NUP214: variants seen among roughly 807,000 people sequenced by gnomAD.
NUP214 encodes the protein nucleoporin 214, also known as nuclear pore complex protein Nup214.
NUP214 carries 79 observed loss-of-function variants against 196.2 expected under a neutral mutation model. That is an observed-to-expected ratio of 0.40 (90% CI 0.34 to 0.49). The LOEUF (loss-of-function observed/expected upper bound fraction) is 0.49. NUP214 is among the 20% of genes least tolerant of loss of function. NUP214 has a pLI of 0.58. For missense variants in NUP214, 2,468 were observed against 2,539.0 expected, an observed-to-expected ratio of 0.97 and a Z score of 0.60; for synonymous variants, 1,020 against 990.5, an observed-to-expected ratio of 1.03 and a Z score of -0.56.
At position 131,144,678 on chromosome 9, in the gene NUP214, G is replaced by A; in HGVS notation, c.1693G>A (p.Val565Met). 2.5e-6 allele frequency: 4 copies of A among 1,614,172 alleles called. No homozygotes were observed. Among genetic ancestry groups the A allele is most frequent in the Non-Finnish European group, 3.4e-6 (4 of 1,180,022 alleles). Residue 565 changes from valine (V) to methionine (M), a missense_variant, in exon 12 of 36, where the codon GTG becomes ATG. Physicochemically the swap from Val to Met is conservative, Grantham distance 21. Around this residue, in one of 5 missense-constraint regions of NUP214, gnomAD observed 1,801 missense variants for 1,779.4 expected, o/e 1.01. Coordinates refer to ENST00000359428, the MANE Select transcript of NUP214 (RefSeq NM_005085.4). ...PTLESTPVPS[V>M]SAPNIAMKPS... is the part of the protein sequence containing the mutation. ...CCTGGAAAGCACACCAGTGCCAAGT[G>A]TGTCTGCTCCAAATATAGCAATGAA...
rs10706351 is a variant in NUP214, at chr9:131,173,355, CTTTTTTTTTT to C, written c.2894-685_2894-676del. Among the ~76,000 whole-genome samples, 297 of 38,222 alleles carry C rather than the reference CTTTTTTTTTT, an allele frequency of 7.8e-3. 5 individuals carry two copies. The highest frequency in any genetic ancestry group is 0.03 in the African/African-American group (289 of 9,622). 25.1% of individuals were successfully genotyped at this position (38,222 alleles called of 152,430 possible). A position where few individuals can be genotyped will look rare whatever the true frequency, so the allele number is the denominator to read the frequency against. ...ACAGGCTTGAGCCACTGCACCCAGCCTTTTTTTTTTTTTTTTTTTTTTTTGAGACAGAGTT... is the reference window on the plus strand; with the variant it reads ...ACAGGCTTGAGCCACTGCACCCAGCCTTTTTTTTTTTTTTGAGACAGAGTT... On this transcript the variant is annotated intron_variant, in intron 21 of 35. Coordinates refer to ENST00000359428, the MANE Select transcript of NUP214 (RefSeq NM_005085.4).
Position 131,150,794 on chromosome 9 carries a change from T to C in NUP214, c.2277+29T>C, listed in dbSNP as rs759641141. ...TGTGTTTATGGATACTTTTCCTGAG[T>C]TGAATTGCATTTAACAATTTTTTTC... is the stretch of plus-strand genomic sequence containing the variant. On this transcript the variant is annotated intron_variant, in intron 16 of 35. Transcript: ENST00000359428. The C allele has an allele frequency of 2.7e-5, 42 of 1,584,836 alleles. 2 individuals are homozygous for C. In the Admixed American group the frequency reaches 8.0e-4, roughly 30 times the overall value.
At position 131,150,605 on chromosome 9, in the gene NUP214, G is replaced by A. The variant is rs1308017728; in HGVS notation, c.2128-11G>A. 2.5e-6 allele frequency: 4 copies of A among 1,609,840 alleles called. No individual in the cohort carries two copies. Among genetic ancestry groups the A allele is most frequent in the Non-Finnish European group, 3.4e-6 (4 of 1,178,558 alleles). On this transcript the variant is annotated splice_polypyrimidine_tract_variant and intron_variant, in intron 15 of 35. Coordinates refer to ENST00000359428, the MANE Select transcript of NUP214 (RefSeq NM_005085.4). ...TCAGACTGAGTAGTTCCTCACTTGT[G>A]GCTTCTACAGATTGCACACTTTCAG... is the stretch of plus-strand genomic sequence containing the variant.
chr9:131,174,444 T>TC, intron 22 of NUP214, 126 bp downstream of exon 22: 2 of 540,410 alleles, frequency 3.7e-6, no homozygotes, highest in Admixed American at 1.0e-4. Flanking sequence ...TTTTTTTTTT[T>TC]TTCTTTTTTT....
intron 5 of NUP214, 47 bp downstream of exon 5, chr9:131,130,883 T>G (rs745864821): frequency 6.7e-7 from 1 of 1,491,710 alleles, no homozygotes; most frequent in East Asian, 2.3e-5. Context: ...GTTGCCCACT[T>G]TTTTGGGGGT....
At chr9:131,222,996 A>G in intron 32 of NUP214, 66 bp downstream of exon 32, 2 of 1,494,540 alleles carry the variant, frequency 1.3e-6, no homozygotes, top group East Asian at 4.6e-5. Flanking sequence ...AGATATCTGG[A>G]AGGAGACATC....
rs142720685 is a variant in NUP214, at chr9:131,197,548, G to T, written c.4054G>T (p.Ala1352Ser). The T allele has an allele frequency of 6.2e-7, 1 of 1,614,158 alleles. No individual in the cohort carries two copies. The highest frequency in any genetic ancestry group is 1.7e-5 in the Admixed American group (1 of 60,028). Reference sequence around the variant, plus strand: ...TGATTCTACAAAACCAACCAATAAGGCTTCATCCACAAGCCTAACTAGTAC... The same window carrying T: ...TGATTCTACAAAACCAACCAATAAGTCTTCATCCACAAGCCTAACTAGTAC... ...ADDSTKPTNK[A>S]SSTSLTSTQP... The change falls in exon 29 of 36, where the codon GCT becomes TCT. Residue 1352 changes from alanine to serine, a missense_variant. Physicochemically the swap from Ala to Ser is moderately conservative, Grantham distance 99 (BLOSUM62 1). Transcript: ENST00000359428.
In NUP214 at chr9:131,125,905, GT is replaced by G. The variant is rs1831332367; in HGVS notation, c.45+157del. 1 of 875,508 alleles carries G rather than the reference GT, an allele frequency of 1.1e-6. No individual in the cohort carries two copies. The highest frequency in any genetic ancestry group is 1.7e-5 in the African/African-American group (1 of 58,256). The allele number at this position is 875,508 out of a possible 1,614,324, so 54.2% of individuals were successfully genotyped here. A position where few individuals can be genotyped will look rare whatever the true frequency, so the allele number is the denominator to read the frequency against. On this transcript the variant is annotated intron_variant, in intron 1 of 35. Coordinates refer to ENST00000359428, the MANE Select transcript of NUP214 (RefSeq NM_005085.4). This position sits in a 1 kb window ranked among gnomAD's most constrained non-coding sequence, Gnocchi z 4.1. ...CCAGCGCGTCTGCCGCGCCGCTGGC[GT>G]GATAGCCCCACCGAATGCAGTTTCC...
chr9:131,128,219 G>T (rs1420003718), intron 2 of NUP214, 113 bp from the exon 3 acceptor site: 1 of 728,428 alleles, frequency 1.4e-6, no homozygotes, highest in African/African-American at 1.8e-5. Flanking sequence ...AGGTATTGGG[G>T]TGTATGTGTG....
chr9:131,159,370 T>G lies in NUP214; in HGVS notation c.2437-13T>G. 1 of 1,604,772 alleles carries G rather than the reference T, an allele frequency of 6.2e-7. No homozygotes were observed. Among genetic ancestry groups the G allele is most frequent in the Non-Finnish European group, 8.5e-7 (1 of 1,174,468 alleles). On this transcript the variant is annotated splice_polypyrimidine_tract_variant and intron_variant, in intron 17 of 35. Transcript: ENST00000359428. ...AAAAACAAGTTATTTGCCTTTTAAT[T>G]TTTTTCTTATAGGAAATTCGGCGCC...
chr9:131,197,301 T>C lies in NUP214; in HGVS notation c.3807T>C (p.Pro1269=), dbSNP rs563577775. The change falls in exon 29 of 36, where the codon CCT becomes CCC. Residue 1269 remains proline, a synonymous_variant. Coordinates refer to ENST00000359428, the MANE Select transcript of NUP214 (RefSeq NM_005085.4). The part of the protein sequence containing the change: ...GGSKPSYEAI[P]ESSPPSGITS... Reference sequence around the variant, plus strand: ...GCAAACCTTCTTATGAGGCCATTCCTGAAAGCTCACCTCCCTCAGGAATCA... The same window carrying C: ...GCAAACCTTCTTATGAGGCCATTCCCGAAAGCTCACCTCCCTCAGGAATCA... 3.7e-5 allele frequency: 60 copies of C among 1,614,204 alleles called. No individual in the cohort carries two copies. The East Asian group carries it at 1.3e-3, about 35-fold the overall frequency.
chr9:131,195,426 A>T lies in NUP214; in HGVS notation c.3721+132A>T, dbSNP rs1288652265. The T allele has an allele frequency of 1.2e-5, 8 of 684,468 alleles. No individual in the cohort carries two copies. In the Middle Eastern group the frequency reaches 1.3e-3, roughly 110 times the overall value. The allele number at this position is 684,468 out of a possible 1,614,324, so 42.4% of individuals were successfully genotyped here. On this transcript the variant is annotated intron_variant, in intron 28 of 35. Coordinates refer to ENST00000359428, the MANE Select transcript of NUP214 (RefSeq NM_005085.4). ...AGTATCTGCAATAAGCTCAGTGTTG[A>T]TAATGTGCATTAGAAATATGCTTAA...
chr9:131,193,232 T>C (rs1237677726), intron 27 of NUP214, among the ~76,000 whole-genome samples: 2 of 145,604 alleles, frequency 1.4e-5, no homozygotes, highest in African/African-American at 5.3e-5. Context: ...CTGTGTGAGC[T>C]GCTGAAGCAT....
chr9:131,233,413 CAG>C lies in NUP214; in HGVS notation c.6240-38_6240-37del, dbSNP rs771000758. 281 of 1,571,556 alleles carry C rather than the reference CAG, an allele frequency of 1.8e-4. 1 individual carries two copies. The African/African-American group carries it at 3.6e-3, about 20-fold the overall frequency. ...AGCAGAGCCTGTGACTGCTCTGTGA[CAG>C]AGCAGCTGACTCCACCACTGTCCTG... On this transcript the variant is annotated intron_variant, in intron 35 of 35. Coordinates refer to ENST00000359428, the MANE Select transcript of NUP214 (RefSeq NM_005085.4).
chr9:131,132,019 G>T (rs1055260502), intron 5 of NUP214, among the ~76,000 whole-genome samples: 2 of 151,936 alleles, frequency 1.3e-5, no homozygotes, highest in African/African-American at 4.8e-5. Context: ...GTCTGCATCA[G>T]TGCTAGTGGC....
chr9:131,232,289 A>T lies in NUP214; in HGVS notation c.6220A>T (p.Ser2074Cys). ...SGFGSGTGGFSFGSNNSSVQG... is the reference protein window; with the variant it reads ...SGFGSGTGGFCFGSNNSSVQG... ...ACTCTTATTCTGCTTTTCAGGGTTC[A>T]GCTTTGGGTCAAATAACTCGTAAGT... The change falls in exon 35 of 36, where the codon AGC becomes TGC. Residue 2074 changes from serine to cysteine, a missense_variant. Ser to Cys is a moderately radical substitution (Grantham distance 112). Around this residue, in one of 5 missense-constraint regions of NUP214, gnomAD observed 262 missense variants for 296.5 expected, o/e 0.88. Coordinates refer to ENST00000359428, the MANE Select transcript of NUP214 (RefSeq NM_005085.4). The surrounding 1 kb of genome is among the most constrained non-coding windows in gnomAD (Gnocchi z 5.1). The T allele has an allele frequency of 6.2e-7, 1 of 1,614,210 alleles. No individual in the cohort carries two copies.
chr9:131,201,743 C>T (rs771636724), intron 30 of NUP214, 26 bp downstream of exon 30: 3 of 1,579,142 alleles, frequency 1.9e-6, no homozygotes, highest in South Asian at 2.2e-5. Context: ...TCTTCATTCA[C>T]GTCAACATGT....
At chr9:131,145,549 T>C (rs1200152058) in intron 12 of NUP214, among the ~76,000 whole-genome samples, 1 of 152,222 alleles carries the variant, frequency 6.6e-6, no homozygotes, top group Non-Finnish European at 1.5e-5. Context: ...AAGGGTTGCA[T>C]AGTGTTCCAT....
In NUP214 at chr9:131,197,325, C is replaced by T. The variant is rs777432010; in HGVS notation, c.3831C>T (p.Ile1277=). ...CTGAAAGCTCACCTCCCTCAGGAAT[C>T]ACATCCGCATCAAACACCACCCCAG... ...AIPESSPPSG[I]TSASNTTPGE... The change falls in exon 29 of 36, where the codon ATC becomes ATT. Residue 1277 remains isoleucine (I), a synonymous_variant. Transcript: ENST00000359428. The T allele has an allele frequency of 6.2e-7, 1 of 1,614,202 alleles. No individual in the cohort carries two copies. The highest frequency in any genetic ancestry group is 2.2e-5 in the East Asian group (1 of 44,890).
Sources: allele counts gnomAD v4.1 joint callset (sites outside exome capture counted in the v4.1 genomes callset), GRCh38; gene constraint gnomAD v4.1.1; regional missense constraint gnomAD v4.1.1; non-coding constraint Gnocchi (gnomAD v3.1); transcripts MANE v1.5; gene names NCBI Gene and HGNC (gene_info 2026-07-23, HGNC 2026-07-21).